PRTG: variants seen among roughly 807,000 people sequenced by gnomAD.
The protein encoded by PRTG is immunoglobulin superfamily, DCC subclass, member 5.
In PRTG, 67 loss-of-function variants were observed where a neutral mutation model predicts 122.5. The observed-to-expected ratio is 0.55, with a 90% CI of 0.45 to 0.67. The LOEUF (loss-of-function observed/expected upper bound fraction) is 0.67. Among genes scored for constraint, PRTG ranks in the 30% least tolerant of loss-of-function variants. The pLI is 0.00. For synonymous variants in PRTG, 554 were observed against 501.1 expected, an observed-to-expected ratio of 1.11 and a Z score of -1.41; for missense variants, 1,435 against 1,415.4, an observed-to-expected ratio of 1.01 and a Z score of -0.22.
intron 2 of PRTG, among the ~76,000 whole-genome samples, chr15:55,733,853 C>A (rs59856866): frequency 0.01 from 1,585 of 152,196 alleles, 63 homozygotes; most frequent in Admixed American, 0.069. Context: ...ACAACAACAA[C>A]AACAAAAACA....
intron 9 of PRTG, 30 bp downstream of exon 9, chr15:55,675,489 C>A (rs368285166): frequency 1.2e-5 from 18 of 1,494,722 alleles, no homozygotes; most frequent in Non-Finnish European, 1.4e-5. Context: ...AATGTTCATA[C>A]TGAAATGATC....
At chr15:55,740,707 C>G in intron 1 of PRTG, 23 bp from the exon 2 acceptor site, 1 of 1,580,280 alleles carries the variant, frequency 6.3e-7, no homozygotes, top group East Asian at 2.2e-5. Flanking sequence ...AAAAGGAGAA[C>G]GGCACATCCA....
chr15:55,629,016 T>C lies in PRTG; in HGVS notation c.2624-12A>G, dbSNP rs1398250214. ...CATGGTTATTGCCCCTAGAAATACA[T>C]CAATTACAAATTAAGTGAACATTTA... On this transcript the variant is annotated splice_polypyrimidine_tract_variant and intron_variant, in intron 15 of 19. Coordinates refer to ENST00000389286, the MANE Select transcript of PRTG (RefSeq NM_173814.6). 1 of 1,565,904 alleles carries C rather than the reference T, an allele frequency of 6.4e-7. No individual in the cohort carries two copies. Among genetic ancestry groups the C allele is most frequent in the Non-Finnish European group, 8.7e-7 (1 of 1,147,116 alleles).
chr15:55,657,880 G>T (rs1362634639), intron 11 of PRTG, among the ~76,000 whole-genome samples: 1 of 151,992 alleles, frequency 6.6e-6, no homozygotes, highest in South Asian at 2.1e-4. Context: ...ATACAGTTAT[G>T]AAACATTTAT....
chr15:55,620,051 A>G lies in PRTG; in HGVS notation c.3414T>C (p.His1138=), dbSNP rs765335494. The G allele has an allele frequency of 1.2e-6, 2 of 1,614,044 alleles. No homozygotes were observed. The highest frequency in any genetic ancestry group is 1.7e-6 in the Non-Finnish European group (2 of 1,180,028). ...GTGTGGTACTTATAACTGAGGACAG[A>G]TGTATCTCATCGTTGGACTCATGAG... ...RFSHESNDEI[H]LSSVISTTPP... Residue 1138 remains histidine (H), a synonymous_variant, in exon 20 of 20, where the codon CAT becomes CAC. Transcript: ENST00000389286.
At chr15:55,703,662 A>G (rs150730512) in intron 2 of PRTG, among the ~76,000 whole-genome samples, 1 of 152,380 alleles carries the variant, frequency 6.6e-6, no homozygotes, top group Non-Finnish European at 1.5e-5. Flanking sequence ...AATTACCACC[A>G]ACATTCTTTG....
intron 2 of PRTG, among the ~76,000 whole-genome samples, chr15:55,727,779 G>A (rs1370750883): frequency 6.6e-6 from 1 of 152,190 alleles, no homozygotes; most frequent in Admixed American, 6.5e-5. Flanking sequence ...CTTGGCGACA[G>A]AGCGAGACTC....
chr15:55,692,252 G>A (rs574773214), intron 2 of PRTG, among the ~76,000 whole-genome samples: 1 of 152,220 alleles, frequency 6.6e-6, no homozygotes, highest in South Asian at 2.1e-4. Flanking sequence ...AGTACTTAGA[G>A]GGAGAGAGTT....
At chr15:55,627,983 A>G (rs1182155655) in intron 16 of PRTG, among the ~76,000 whole-genome samples, 1 of 152,142 alleles carries the variant, frequency 6.6e-6, no homozygotes. Flanking sequence ...TTTGAGTGGC[A>G]AGGTATTTGA....
chr15:55,725,697 C>T (rs1419401601), intron 2 of PRTG, among the ~76,000 whole-genome samples: 1 of 152,118 alleles, frequency 6.6e-6, no homozygotes. Flanking sequence ...ATTAAACTCT[C>T]CATCAAAAAG....
chr15:55,690,561 T>C (rs2059594981), intron 2 of PRTG, among the ~76,000 whole-genome samples: 1 of 152,214 alleles, frequency 6.6e-6, no homozygotes, highest in African/African-American at 2.4e-5. Context: ...TTTTTAGCAC[T>C]GACATGATGC....
chr15:55,650,794 C>G (rs958774681), intron 11 of PRTG, among the ~76,000 whole-genome samples: 1 of 151,970 alleles, frequency 6.6e-6, no homozygotes, highest in East Asian at 1.9e-4. Flanking sequence ...GCAAAGCCCC[C>G]GTCCCTACAA....
In PRTG at chr15:55,742,903, CG is replaced by C; in HGVS notation, c.28del (p.Arg10GlyfsTer33). On this transcript the variant is annotated frameshift_variant, in exon 1 of 20. Transcript: ENST00000389286. LOFTEE classifies it high-confidence loss of function. ...GAGCAGCATCCCCGGCGGTCGCAGC[CG>C]GGCGAGGGGTCGCAGAGGAGGCGCC... Reference protein sequence around the residue: MAPPLRPLARLRPPGMLLRA... With the variant: MAPPLRPLAXLRPPGMLLRA... 2.6e-6 allele frequency: 4 copies of C among 1,529,396 alleles called. No homozygotes were observed. Among genetic ancestry groups the C allele is most frequent in the Non-Finnish European group, 3.5e-6 (4 of 1,137,622 alleles). 94.7% of individuals were successfully genotyped at this position (1,529,396 alleles called of 1,614,324 possible).
Position 55,619,736 on chromosome 15 carries a change from A to G in PRTG, c.*276T>C, listed in dbSNP as rs1331960852. On this transcript the variant is annotated 3_prime_UTR_variant, in exon 20 of 20. Coordinates refer to ENST00000389286, the MANE Select transcript of PRTG (RefSeq NM_173814.6). ...AATTACACAAGTTTAAAAATAAAAAACAAAACACATTCAAAAAAAGCTAAA... is the reference window on the plus strand; with the variant it reads ...AATTACACAAGTTTAAAAATAAAAAGCAAAACACATTCAAAAAAAGCTAAA... The G allele has an allele frequency of 2.5e-6, 1 of 405,122 alleles. No homozygotes were observed. The highest frequency in any genetic ancestry group is 4.3e-6 in the Non-Finnish European group (1 of 230,984). 25.1% of individuals were successfully genotyped at this position (405,122 alleles called of 1,614,324 possible). A position where few individuals can be genotyped will look rare whatever the true frequency, so the allele number is the denominator to read the frequency against.
rs370229961 is a variant in PRTG, at chr15:55,628,672, C to T, written c.2806+150G>A. 40 of 577,350 alleles carry T rather than the reference C, an allele frequency of 6.9e-5. No homozygotes were observed. The South Asian group carries it at 1.3e-3, about 19-fold the overall frequency. The allele number at this position is 577,350 out of a possible 1,614,324, so 35.8% of individuals were successfully genotyped here. ...TCTAGGAGTATGAGGAAAAGCCATGCAACTCTATAACATCAGAAGCTCATC... is the reference window on the plus strand; with the variant it reads ...TCTAGGAGTATGAGGAAAAGCCATGTAACTCTATAACATCAGAAGCTCATC... On this transcript the variant is annotated intron_variant, in intron 16 of 19. Coordinates refer to ENST00000389286, the MANE Select transcript of PRTG (RefSeq NM_173814.6).
At chr15:55,720,129 A>T (rs957371000) in intron 2 of PRTG, among the ~76,000 whole-genome samples, 6 of 151,918 alleles carry the variant, frequency 3.9e-5, no homozygotes, top group African/African-American at 1.5e-4. Context: ...CTGTAATCCC[A>T]GCACTTTGGG....
chr15:55,635,908 T>C (rs1322377128), intron 15 of PRTG, among the ~76,000 whole-genome samples: 1 of 152,194 alleles, frequency 6.6e-6, no homozygotes, highest in Admixed American at 6.5e-5. Flanking sequence ...TTCAGCTTTT[T>C]ATTGGTTGGC....
chr15:55,636,669 C>T (rs894417747), intron 15 of PRTG, among the ~76,000 whole-genome samples: 2 of 151,864 alleles, frequency 1.3e-5, no homozygotes, highest in African/African-American at 4.8e-5. Context: ...CCCCCCGAGA[C>T]AGAGTCTTGT....
intron 11 of PRTG, among the ~76,000 whole-genome samples, chr15:55,670,185 A>G (rs946639191): frequency 5.3e-5 from 8 of 152,058 alleles, no homozygotes; most frequent in Non-Finnish European, 1.0e-4. Context: ...GAAAATTTTG[A>G]AGAATTGCTT....
Sources: gnomAD v4.1 joint callset for allele counts (sites outside exome capture counted in the v4.1 genomes callset) on GRCh38, gnomAD v4.1.1 for gene constraint, MANE v1.5 for transcripts, NCBI Gene and HGNC (gene_info 2026-07-23, HGNC 2026-07-21) for gene names.